IL1RAPL1: variants seen among roughly 807,000 people sequenced by gnomAD.
The protein encoded by IL1RAPL1 is interleukin 1 receptor accessory protein like 1.
A neutral mutation model predicts 48.4 loss-of-function variants in IL1RAPL1; 3 were observed. The observed-to-expected ratio is 0.06, with a 90% confidence interval of 0.03 to 0.16. The LOEUF (loss-of-function observed/expected upper bound fraction) is 0.16. Ranked by LOEUF, IL1RAPL1 falls within the 10% of genes least tolerant of loss-of-function variation. IL1RAPL1 has a pLI of 1.00. For synonymous variants in IL1RAPL1, 185 were observed against 187.7 expected, an observed-to-expected ratio of 0.99 and a Z score of 0.12; for missense variants, 349 against 530.6, an observed-to-expected ratio of 0.66 and a Z score of 3.36.
At chrX:29,891,403 G>A (rs146035282) in intron 6 of IL1RAPL1, among the ~76,000 whole-genome samples, 1 of 111,338 alleles carries the variant, frequency 9.0e-6, no homozygotes, top group African/African-American at 3.3e-5. Context: ...GACTAATGGT[G>A]GTCACTATTA....
chrX:29,747,120 T>G (rs1345075013), intron 6 of IL1RAPL1, among the ~76,000 whole-genome samples: 2 of 111,952 alleles, frequency 1.8e-5, no homozygotes, highest in Non-Finnish European at 3.8e-5. Context: ...TAGAACCCAC[T>G]GGATAATCAA....
intron 2 of IL1RAPL1, among the ~76,000 whole-genome samples, chrX:28,900,235 A>G (rs1923038842): frequency 8.9e-6 from 1 of 112,069 alleles, no homozygotes; most frequent in Non-Finnish European, 1.9e-5. Context: ...TTTCTGGAAC[A>G]ATGTGTAGGT....
chrX:28,977,963 C>CA (rs1034103295), intron 2 of IL1RAPL1, among the ~76,000 whole-genome samples: 26 of 111,560 alleles, frequency 2.3e-4, no homozygotes, highest in Non-Finnish European at 4.9e-4. Context: ...GACTCTGTCT[C>CA]AAAAAAGAGG....
chrX:29,372,549 C>T (rs1191516938), intron 3 of IL1RAPL1, among the ~76,000 whole-genome samples: 1 of 111,283 alleles, frequency 9.0e-6, no homozygotes, highest in Admixed American at 9.6e-5. Context: ...AGTTTGAGGC[C>T]TTACATTTAA....
intron 2 of IL1RAPL1, among the ~76,000 whole-genome samples, chrX:29,179,917 G>A (rs1369635214): frequency 9.0e-6 from 1 of 110,985 alleles, no homozygotes; most frequent in Non-Finnish European, 1.9e-5. Flanking sequence ...AGTTGGGTGG[G>A]GCACAGAAAT....
At chrX:28,687,795 A>T (rs196996) in intron 1 of IL1RAPL1, among the ~76,000 whole-genome samples, 2,397 of 103,146 alleles carry the variant, frequency 0.023, 47 homozygotes, top group African/African-American at 0.056. Flanking sequence ...AAAAAAAAAA[A>T]AAAATAAAAT....
intron 5 of IL1RAPL1, among the ~76,000 whole-genome samples, chrX:29,459,136 A>G (rs1170702141): frequency 8.9e-6 from 1 of 112,274 alleles, no homozygotes. Context: ...GCAATGAGAA[A>G]GTATTTCATT....
At chrX:28,848,777 A>C (rs1921578773) in intron 2 of IL1RAPL1, among the ~76,000 whole-genome samples, 2 of 111,829 alleles carry the variant, frequency 1.8e-5, no homozygotes, top group Non-Finnish European at 3.8e-5. Context: ...AGAAGGACGA[A>C]GACAACAAGG....
At chrX:29,409,980 G>A (rs982597409) in intron 5 of IL1RAPL1, among the ~76,000 whole-genome samples, 1 of 109,670 alleles carries the variant, frequency 9.1e-6, no homozygotes, top group African/African-American at 3.3e-5. Context: ...GTGCCACCAC[G>A]CCCGGCTAAT....
chrX:28,962,679 C>A (rs1212890229), intron 2 of IL1RAPL1, among the ~76,000 whole-genome samples: 1 of 111,200 alleles, frequency 9.0e-6, no homozygotes, highest in Non-Finnish European at 1.9e-5. Context: ...ATGTGTTATA[C>A]TGCACAGTAT....
chrX:29,333,526 CG>C (rs1177498151), intron 3 of IL1RAPL1, among the ~76,000 whole-genome samples: 1 of 93,015 alleles, frequency 1.1e-5, no homozygotes, highest in Non-Finnish European at 2.2e-5. Context: ...GCTGGCCAGG[CG>C]GGGGGCTGAT....
At chrX:29,917,278 A>G (rs1412953453) in intron 6 of IL1RAPL1, among the ~76,000 whole-genome samples, 186 bp from the exon 7 acceptor site, 1 of 112,664 alleles carries the variant, frequency 8.9e-6, no homozygotes, top group Non-Finnish European at 1.9e-5. Flanking sequence ...TCCATTAAAC[A>G]AGCCATGTTG....
chrX:28,944,860 A>G (rs1296532730), intron 2 of IL1RAPL1, among the ~76,000 whole-genome samples: 1 of 109,990 alleles, frequency 9.1e-6, no homozygotes, highest in African/African-American at 3.3e-5. Context: ...ATAGCATGTC[A>G]CTTTCACTGT....
At chrX:28,835,689 G>A (rs1005832602) in intron 2 of IL1RAPL1, among the ~76,000 whole-genome samples, 28 of 111,206 alleles carry the variant, frequency 2.5e-4, no homozygotes, top group African/African-American at 6.9e-4. Context: ...GCAATAAACC[G>A]CCATTTTTGT....
intron 6 of IL1RAPL1, among the ~76,000 whole-genome samples, chrX:29,821,402 A>G (rs1451601090): frequency 1.8e-5 from 2 of 111,000 alleles, no homozygotes; most frequent in Non-Finnish European, 3.8e-5. Context: ...GTGAGCCAAG[A>G]TCACACCACT....
chrX:29,791,994 G>A (rs1047543528), intron 6 of IL1RAPL1, among the ~76,000 whole-genome samples: 2 of 111,029 alleles, frequency 1.8e-5, no homozygotes, highest in African/African-American at 6.6e-5. Context: ...GCCTCCCAAA[G>A]TGCTGAGATT....
intron 1 of IL1RAPL1, among the ~76,000 whole-genome samples, chrX:28,701,414 G>A (rs1023650194): frequency 9.0e-6 from 1 of 111,380 alleles, no homozygotes; most frequent in African/African-American, 3.3e-5. Context: ...TGCCACAGGG[G>A]GCAGTTATTT....
intron 9 of IL1RAPL1, among the ~76,000 whole-genome samples, chrX:29,945,122 G>A (rs905678685): frequency 3.6e-5 from 4 of 111,623 alleles, no homozygotes; most frequent in African/African-American, 1.3e-4. Context: ...ATGAAGTTCT[G>A]TTATCCTCTT....
intron 2 of IL1RAPL1, among the ~76,000 whole-genome samples, chrX:29,093,664 A>G (rs1928140518): frequency 8.9e-6 from 1 of 112,274 alleles, no homozygotes; most frequent in African/African-American, 3.2e-5. Context: ...TACATTAATT[A>G]TCATCTCATT....
Sources: gnomAD v4.1 joint callset for allele counts (sites outside exome capture counted in the v4.1 genomes callset) on GRCh38, gnomAD v4.1.1 for gene constraint, MANE v1.5 for transcripts, NCBI Gene and HGNC (gene_info 2026-07-23, HGNC 2026-07-21) for gene names.